ANKRD1: variants seen among roughly 807,000 people sequenced by gnomAD.
The protein encoded by ANKRD1 is ankyrin repeat domain 1, also known as ankyrin repeat domain-containing protein 1.
Under a neutral mutation model 40.1 loss-of-function variants are expected in ANKRD1, and 32 were observed. The ratio of observed to expected loss-of-function variants is 0.80; its 90% CI spans 0.60 to 1.07. The LOEUF is 1.07. Ranked by LOEUF, ANKRD1 falls within the 50% of genes least tolerant of loss-of-function variation. ANKRD1 has a pLI of 0.00. For synonymous variants in ANKRD1, 149 were observed against 141.2 expected, an observed-to-expected ratio of 1.06 and a Z score of -0.39; for missense variants, 359 against 386.0, an observed-to-expected ratio of 0.93 and a Z score of 0.59.
Position 90,920,349 on chromosome 10 carries a change from C to T in ANKRD1, c.28-1G>A, listed in dbSNP as rs1233416133. 1 of 1,613,978 alleles carries T rather than the reference C, an allele frequency of 6.2e-7. No homozygotes were observed. Among genetic ancestry groups the T allele is most frequent in the Non-Finnish European group, 8.5e-7 (1 of 1,180,000 alleles). On this transcript the variant is annotated splice_acceptor_variant, in intron 1 of 8. Transcript: ENST00000371697. LOFTEE classifies it high-confidence loss of function. ...CATTGCCATTCTTCTTTCCAGTGAC[C>T]TATGAGGGAAGAAGATGGCAGCGTC...
Position 90,920,267 on chromosome 10 carries a change from C to T in ANKRD1, c.109G>A (p.Val37Ile), listed in dbSNP as rs1401851050. ...AGATCCTCCTGCTTCTCTAAAGTAA[C>T]AGCAGCTTCATACTCTCCATCTCTG... ...DFRDGEYEAA[V>I]TLEKQEDLKT... Residue 37 changes from valine to isoleucine, a missense_variant, in exon 2 of 9, where the codon GTT (valine) becomes ATT (isoleucine). Physicochemically the swap from Val to Ile is conservative, Grantham distance 29. Transcript: ENST00000371697. 3.1e-6 allele frequency: 5 copies of T among 1,614,074 alleles called. No homozygotes were observed. The highest frequency in any genetic ancestry group is 3.4e-6 in the Non-Finnish European group (4 of 1,180,022).
rs754391484 is a variant in ANKRD1 at position 90,915,526 on chromosome 10, T to A, written c.849+17A>T. 1 of 1,608,776 alleles carries A rather than the reference T, an allele frequency of 6.2e-7. No individual in the cohort carries two copies. The highest frequency in any genetic ancestry group is 8.5e-7 in the Non-Finnish European group (1 of 1,175,284). ...TTGGAAAGCTTGCAAGCGGTGTTTC[T>A]TGTTTCCAGTACTTACACAGTTCTT... On this transcript the variant is annotated intron_variant, in intron 8 of 8. Transcript: ENST00000371697.
intron 6 of ANKRD1, 80 bp from the exon 7 acceptor site, chr10:90,915,960 G>T: frequency 7.0e-7 from 1 of 1,425,596 alleles, no homozygotes; most frequent in Non-Finnish European, 9.7e-7. Context: ...GTGCGAGGGG[G>T]AGAAGTGGTC....
chr10:90,915,422 G>T (rs1220714346), intron 8 of ANKRD1, 121 bp downstream of exon 8: 2 of 840,980 alleles, frequency 2.4e-6, no homozygotes, highest in African/African-American at 3.4e-5. Context: ...AATGGGCAGG[G>T]GCATTTAGAC....
rs551198213 is a variant in ANKRD1 at position 90,920,272 on chromosome 10, G to A, written c.104C>T (p.Ala35Val). The A allele has an allele frequency of 2.5e-6, 4 of 1,614,082 alleles. No individual in the cohort carries two copies. The South Asian group carries it at 4.4e-5, about 18-fold the overall frequency. Residue 35 changes from alanine (A) to valine (V), a missense_variant, in exon 2 of 9, where the codon GCT (alanine) becomes GTT (valine). Ala to Val is a moderately conservative substitution (Grantham distance 64, BLOSUM62 0). Coordinates refer to ENST00000371697, the MANE Select transcript of ANKRD1 (RefSeq NM_014391.3). ...PEDFRDGEYE[A>V]AVTLEKQEDL... is the part of the protein sequence containing the mutation. ...CTCCTGCTTCTCTAAAGTAACAGCA[G>A]CTTCATACTCTCCATCTCTGAAATC...
intron 2 of ANKRD1, among the ~76,000 whole-genome samples, chr10:90,919,485 A>C (rs1173858236): frequency 6.6e-6 from 1 of 152,190 alleles, no homozygotes; most frequent in Non-Finnish European, 1.5e-5. Context: ...CATCATCTTT[A>C]CTTCTGTTGC....
chr10:90,913,002 G>A, intron 8 of ANKRD1, 26 bp from the exon 9 acceptor site: 1 of 1,599,722 alleles, frequency 6.3e-7, no homozygotes, highest in South Asian at 1.1e-5. Context: ...AAGGAAAGTT[G>A]ACTTTCAGGT....
chr10:90,915,587 G>A lies in ANKRD1; in HGVS notation c.805C>T (p.Arg269Ter), dbSNP rs397517254. The change falls in exon 8 of 9, where the codon CGA (arginine) becomes TGA (stop). Residue 269 changes from arginine (R) to a stop codon, truncating the protein, a stop_gained. Transcript: ENST00000371697. LOFTEE classifies it high-confidence loss of function. ...AVRLNRYKMIRLLIMYGADLN... is the reference protein window; with the variant it reads ...AVRLNRYKMI ...TCCGCGCCATACATAATCAGGAGTC[G>A]GATCATCTTATAGCGGTTCAGTCTC... The A allele has an allele frequency of 6.2e-6, 10 of 1,613,988 alleles. No homozygotes were observed. The Admixed American group carries it at 1.2e-4, about 19-fold the overall frequency.
intron 8 of ANKRD1, among the ~76,000 whole-genome samples, chr10:90,914,259 C>A (rs980494904): frequency 3.9e-5 from 6 of 152,072 alleles, no homozygotes; most frequent in African/African-American, 1.4e-4. Flanking sequence ...TTCCATAAAC[C>A]TGATGCTAAT....
chr10:90,917,178 T>G (rs1285299766), intron 5 of ANKRD1, among the ~76,000 whole-genome samples: 1 of 152,224 alleles, frequency 6.6e-6, no homozygotes, highest in Non-Finnish European at 1.5e-5. Context: ...CATAAAGAAT[T>G]TTCCCAGCTC....
chr10:90,915,905 AT>A, intron 6 of ANKRD1, 25 bp from the exon 7 acceptor site: 1 of 1,607,734 alleles, frequency 6.2e-7, no homozygotes, highest in East Asian at 2.2e-5. Context: ...AACGCTGCTG[AT>A]TCGCTAGGAA....
At chr10:90,920,683 C>T (rs1344091290) in intron 1 of ANKRD1, among the ~76,000 whole-genome samples, 1 of 152,160 alleles carries the variant, frequency 6.6e-6, no homozygotes, top group Non-Finnish European at 1.5e-5. Context: ...TGAGTTTCGC[C>T]TTATTGTAAA....
chr10:90,913,013 G>A (rs933863194), intron 8 of ANKRD1, 37 bp from the exon 9 acceptor site: 3 of 1,559,558 alleles, frequency 1.9e-6, no homozygotes, highest in African/African-American at 2.7e-5. Flanking sequence ...ACTTTCAGGT[G>A]GGTGACATCT....
intron 5 of ANKRD1, 91 bp downstream of exon 5, chr10:90,917,641 T>C (rs1315357350): frequency 5.4e-6 from 6 of 1,104,016 alleles, no homozygotes; most frequent in Non-Finnish European, 8.2e-6. Context: ...CAATTTTCAA[T>C]CCAATCAGCT....
rs1157286519 is a variant in ANKRD1 at position 90,920,270 on chromosome 10, C to T, written c.106G>A (p.Ala36Thr). Residue 36 changes from alanine to threonine, a missense_variant, in exon 2 of 9, where the codon GCT becomes ACT. Physicochemically the swap from Ala to Thr is moderately conservative, Grantham distance 58. Transcript: ENST00000371697. ...EDFRDGEYEAAVTLEKQEDLK... is the reference protein window; with the variant it reads ...EDFRDGEYEATVTLEKQEDLK... ...TCCTCCTGCTTCTCTAAAGTAACAG[C>T]AGCTTCATACTCTCCATCTCTGAAA... 1 of 1,614,014 alleles carries T rather than the reference C, an allele frequency of 6.2e-7. No homozygotes were observed. Among genetic ancestry groups the T allele is most frequent in the Non-Finnish European group, 8.5e-7 (1 of 1,180,020 alleles).
intron 6 of ANKRD1, 132 bp from the exon 7 acceptor site, chr10:90,916,012 A>G (rs1847366602): frequency 1.5e-6 from 1 of 655,834 alleles, no homozygotes; most frequent in African/African-American, 2.0e-5. Context: ...AGATGACTTT[A>G]ATGGAGAGGC....
rs971266687 is a variant in ANKRD1 at position 90,913,054 on chromosome 10, G to A, written c.850-78C>T. 4.1e-5 allele frequency: 54 copies of A among 1,308,040 alleles called. No homozygotes were observed. In the African/African-American group the frequency reaches 7.3e-4, roughly 18 times the overall value. 81.0% of individuals were successfully genotyped at this position (1,308,040 alleles called of 1,614,324 possible). A position where few individuals can be genotyped will look rare whatever the true frequency, so the allele number is the denominator to read the frequency against. On this transcript the variant is annotated intron_variant, in intron 8 of 8. Transcript: ENST00000371697. Reference sequence around the variant, plus strand: ...TTCACATTCTCTGTGTGTGTTTCATGAGGTAAGGATTAGGTATATGTTATA... The same window carrying A: ...TTCACATTCTCTGTGTGTGTTTCATAAGGTAAGGATTAGGTATATGTTATA...
At chr10:90,920,922 A>G (rs1847430466) in intron 1 of ANKRD1, 79 bp downstream of exon 1, 2 of 1,395,896 alleles carry the variant, frequency 1.4e-6, no homozygotes, top group African/African-American at 2.8e-5. Context: ...TACACCTGAA[A>G]GCAAAGGGCA....
chr10:90,915,928 G>C, intron 6 of ANKRD1, 48 bp from the exon 7 acceptor site: 1 of 1,572,074 alleles, frequency 6.4e-7, no homozygotes, highest in Non-Finnish European at 8.7e-7. Context: ...GAGGACAGAG[G>C]CTGTCCCAGA....
Sources: gnomAD v4.1 joint callset for allele counts (sites outside exome capture counted in the v4.1 genomes callset) on GRCh38, gnomAD v4.1.1 for gene constraint, MANE v1.5 for transcripts, NCBI Gene and HGNC (gene_info 2026-07-23, HGNC 2026-07-21) for gene names.